Variants in KIAA0825 observed in about 807,000 individuals in gnomAD.
KIAA0825 encodes the protein KIAA0825, also known as uncharacterized protein KIAA0825.
In KIAA0825, 119 loss-of-function variants were observed where a neutral mutation model predicts 147.6. The observed-to-expected ratio is 0.81, with a 90% CI of 0.69 to 0.94. KIAA0825 has a LOEUF of 0.94. Among genes scored for constraint, KIAA0825 ranks in the 40% least tolerant of loss-of-function variants. KIAA0825 has a pLI of 0.00. For missense variants in KIAA0825, 1,381 were observed against 1,472.7 expected (o/e 0.94, Z 1.02); for synonymous variants, 470 against 518.1 (o/e 0.91, Z 1.26).
intron 2 of KIAA0825, among the ~76,000 whole-genome samples, chr5:94,579,848 G>A (rs1260136832): frequency 6.6e-6 from 1 of 152,120 alleles, no homozygotes; most frequent in Non-Finnish European, 1.5e-5. Flanking sequence ...TTAAATATTT[G>A]TTCAAGGAAG....
At chr5:94,371,809 T>A (rs995586058) in intron 20 of KIAA0825, among the ~76,000 whole-genome samples, 3 of 152,110 alleles carry the variant, frequency 2.0e-5, no homozygotes, top group Non-Finnish European at 4.4e-5. Context: ...CAACAGTCCA[T>A]TAAAGTCTTA....
intron 4 of KIAA0825, among the ~76,000 whole-genome samples, chr5:94,521,867 C>T (rs1055860894): frequency 6.6e-6 from 1 of 151,614 alleles, no homozygotes; most frequent in African/African-American, 2.4e-5. Context: ...GTCCAAGTGG[C>T]ATAAAATCAG....
chr5:94,575,496 G>T (rs545291188), intron 2 of KIAA0825, among the ~76,000 whole-genome samples: 2 of 152,312 alleles, frequency 1.3e-5, no homozygotes, highest in Non-Finnish European at 2.9e-5. Context: ...ACAAGCTTGG[G>T]CTTCAGGCCC....
chr5:94,519,982 T>C, intron 5 of KIAA0825: 2 of 1,071,136 alleles, frequency 1.9e-6, no homozygotes, highest in Non-Finnish European at 2.3e-6. Context: ...GTTTGTCATA[T>C]GCAATCAAGA....
intron 20 of KIAA0825, among the ~76,000 whole-genome samples, chr5:94,191,412 C>A (rs1320556467): frequency 6.6e-6 from 1 of 152,022 alleles, no homozygotes; most frequent in African/African-American, 2.4e-5. Flanking sequence ...ATTCATCATG[C>A]AGAAAATAGT....
chr5:94,404,314 TATG>T (rs1306071983), intron 15 of KIAA0825, among the ~76,000 whole-genome samples: 2 of 152,118 alleles, frequency 1.3e-5, no homozygotes. Flanking sequence ...TAGAAAAGAG[TATG>T]ATATCCTATT....
chr5:94,523,664 T>C (rs765183958), intron 4 of KIAA0825, among the ~76,000 whole-genome samples: 1 of 151,560 alleles, frequency 6.6e-6, no homozygotes, highest in Admixed American at 6.6e-5. Context: ...ATTGATATGA[T>C]ATATATCATA....
chr5:94,401,691 C>G (rs554829261), intron 16 of KIAA0825, among the ~76,000 whole-genome samples: 2 of 152,170 alleles, frequency 1.3e-5, no homozygotes, highest in Admixed American at 1.3e-4. Flanking sequence ...ATTTCTTTGT[C>G]TCTTCTCATA....
chr5:94,345,498 T>C lies in KIAA0825; in HGVS notation c.3710+38870A>G, dbSNP rs1584194583. On this transcript the variant is annotated intron_variant, in intron 20 of 20. Coordinates refer to ENST00000682413, the MANE Select transcript of KIAA0825 (RefSeq NM_001145678.3). Reference sequence around the variant, plus strand: ...TTAGACTTGAATCTCAACTTGGCTATGTGTAAAGTGTGTGACACTGAAAAT... The same window carrying C: ...TTAGACTTGAATCTCAACTTGGCTACGTGTAAAGTGTGTGACACTGAAAAT... Among the ~76,000 whole-genome samples the C allele has an allele frequency of 5.3e-5, 8 of 152,236 alleles. No homozygotes were observed. In the South Asian group the frequency reaches 1.7e-3, roughly 32 times the overall value.
chr5:94,332,771 T>C (rs1781414521), intron 20 of KIAA0825, among the ~76,000 whole-genome samples: 1 of 152,208 alleles, frequency 6.6e-6, no homozygotes, highest in Admixed American at 6.5e-5. Context: ...GGTCAAATGA[T>C]ATTTCTAGTT....
chr5:94,426,033 C>CATTATT (rs60733170), intron 14 of KIAA0825, among the ~76,000 whole-genome samples: 12 of 147,492 alleles, frequency 8.1e-5, no homozygotes, highest in African/African-American at 2.0e-4. Flanking sequence ...TTATTATTAT[C>CATTATT]ATTATTATTA....
At position 94,560,446 on chromosome 5, in the gene KIAA0825, CTTAAATCAAGT is replaced by C. The variant is rs1240157700; in HGVS notation, c.-2+21976_-2+21986del. On this transcript the variant is annotated intron_variant, in intron 2 of 20. Transcript: ENST00000682413. ...ATTGCCCTGTTTCTTGCCCTAGTAT[CTTAAATCAAGT>C]ATCAGCAAACTATGACATGGCTTGC... Among the ~76,000 whole-genome samples the C allele has an allele frequency of 1.1e-4, 17 of 152,274 alleles. No individual in the cohort carries two copies. The South Asian group carries it at 3.1e-3, about 28-fold the overall frequency.
At chr5:94,596,214 G>T (rs987537056) in intron 1 of KIAA0825, among the ~76,000 whole-genome samples, 1 of 152,062 alleles carries the variant, frequency 6.6e-6, no homozygotes, top group Non-Finnish European at 1.5e-5. Flanking sequence ...TTATAGTTTT[G>T]GGTTTTACAT....
At chr5:94,443,740 A>T (rs1757398386) in intron 13 of KIAA0825, among the ~76,000 whole-genome samples, 1 of 152,194 alleles carries the variant, frequency 6.6e-6, no homozygotes, top group African/African-American at 2.4e-5. Flanking sequence ...GCTGCAATAG[A>T]ATGTTTAAAC....
At chr5:94,525,740 C>G (rs1040748472) in intron 3 of KIAA0825, among the ~76,000 whole-genome samples, 2 of 151,900 alleles carry the variant, frequency 1.3e-5, no homozygotes, top group Non-Finnish European at 2.9e-5. Flanking sequence ...GTTAGTCTAC[C>G]TAAATCTGTT....
In KIAA0825 at chr5:94,375,534, T is replaced by C. The variant is rs556407508; in HGVS notation, c.3710+8834A>G. On this transcript the variant is annotated intron_variant, in intron 20 of 20. Transcript: ENST00000682413. Reference sequence around the variant, plus strand: ...AAGGCTCTGATGATTCCCTCAAGTCTACTGGTTAATATCCAAATGTTTTAG... The same window carrying C: ...AAGGCTCTGATGATTCCCTCAAGTCCACTGGTTAATATCCAAATGTTTTAG... 2.0e-5 allele frequency among the ~76,000 whole-genome samples: 3 copies of C among 152,306 alleles called. No individual in the cohort carries two copies. The South Asian group carries it at 6.2e-4, about 32-fold the overall frequency.
chr5:94,588,676 T>A (rs2152384995), intron 1 of KIAA0825, among the ~76,000 whole-genome samples: 1 of 152,274 alleles, frequency 6.6e-6, no homozygotes, highest in South Asian at 2.1e-4. Flanking sequence ...TACCCAGTAA[T>A]CCCATTACTC....
chr5:94,522,505 G>C (rs999716451), intron 4 of KIAA0825, among the ~76,000 whole-genome samples: 1 of 151,516 alleles, frequency 6.6e-6, no homozygotes, highest in Non-Finnish European at 1.5e-5. Context: ...CATATGTTTA[G>C]TATGATTGCT....
rs185599749 is a variant in KIAA0825 at position 94,360,197 on chromosome 5, C to T, written c.3710+24171G>A. Among the ~76,000 whole-genome samples the T allele has an allele frequency of 1.8e-3, 276 of 152,276 alleles. 2 individuals are homozygous for T. The highest frequency in any genetic ancestry group is 6.5e-3 in the African/African-American group (270 of 41,554). ...CCCACACAGGGATGGTCTATTCCTA[C>T]TAACCAAACTTACTATCATAACCTG... On this transcript the variant is annotated intron_variant, in intron 20 of 20. Coordinates refer to ENST00000682413, the MANE Select transcript of KIAA0825 (RefSeq NM_001145678.3).
Sources: gnomAD v4.1 joint callset for allele counts (sites outside exome capture counted in the v4.1 genomes callset) on GRCh38, gnomAD v4.1.1 for gene constraint, MANE v1.5 for transcripts, NCBI Gene and HGNC (gene_info 2026-07-23, HGNC 2026-07-21) for gene names.